Variants in CEP350 observed in about 807,000 individuals in gnomAD.
CEP350 encodes the protein centrosomal protein 350, also known as centrosome-associated protein 350.
Under a neutral mutation model 331.8 loss-of-function variants are expected in CEP350, and 126 were observed. The observed-to-expected ratio is 0.38, with a 90% confidence interval of 0.33 to 0.44. The LOEUF is 0.44. CEP350 is among the 20% of genes least tolerant of loss of function. The pLI is 1.00. For missense variants in CEP350, 3,406 were observed against 3,634.6 expected, an observed-to-expected ratio of 0.94 and a Z score of 1.62; for synonymous variants, 1,200 against 1,259.5, an observed-to-expected ratio of 0.95 and a Z score of 1.00.
intron 1 of CEP350, among the ~76,000 whole-genome samples, chr1:179,971,034 T>G (rs947238810): frequency 6.7e-6 from 1 of 149,210 alleles, no homozygotes; most frequent in Non-Finnish European, 1.5e-5. Flanking sequence ...TGTTGTTTGT[T>G]TTTTTTTTTT....
At chr1:180,091,198 A>G (rs1045641828) in intron 33 of CEP350, among the ~76,000 whole-genome samples, 2 of 148,906 alleles carry the variant, frequency 1.3e-5, no homozygotes, top group African/African-American at 5.1e-5. Flanking sequence ...TTTTTTTTTA[A>G]GAGACGGGGG....
At chr1:180,060,004 T>C (rs1216632712) in intron 25 of CEP350, among the ~76,000 whole-genome samples, 2 of 152,038 alleles carry the variant, frequency 1.3e-5, no homozygotes, top group Non-Finnish European at 2.9e-5. Context: ...AGCTAGACAA[T>C]AAAGAGATTT....
intron 3 of CEP350, among the ~76,000 whole-genome samples, chr1:179,989,076 A>C (rs969214609): frequency 2.6e-5 from 4 of 152,110 alleles, no homozygotes; most frequent in Non-Finnish European, 5.9e-5. Flanking sequence ...TGATAAAGGA[A>C]TATAAGTAGG....
intron 20 of CEP350, 127 bp from the exon 21 acceptor site, chr1:180,043,924 G>A: frequency 1.3e-6 from 1 of 776,350 alleles, no homozygotes; most frequent in Non-Finnish European, 1.9e-6. Context: ...ATTCTTTAAT[G>A]TGTTGTAAGT....
chr1:180,087,239 G>A (rs1321756740), intron 31 of CEP350: 1 of 160,970 alleles, frequency 6.2e-6, no homozygotes, highest in Non-Finnish European at 1.3e-5. Context: ...TACCATGAAA[G>A]TAATAGTACA....
chr1:180,041,718 C>T lies in CEP350; in HGVS notation c.4278C>T (p.Val1426=), dbSNP rs774942812. The change falls in exon 19 of 38, where the codon GTC becomes GTT. Residue 1426 remains valine, a synonymous_variant. Transcript: ENST00000367607. ...AATCACAACGGGAAGTAACTGAAGT[C>T]CTGCAGGAAGCAACGTGTAAAATAG... ...VVQSQREVTE[V]LQEATCKIAA... The T allele has an allele frequency of 3.1e-6, 5 of 1,613,606 alleles. No homozygotes were observed. In the Admixed American group the frequency reaches 6.7e-5, roughly 22 times the overall value.
intron 21 of CEP350, among the ~76,000 whole-genome samples, chr1:180,046,678 A>G (rs1224142476): frequency 6.6e-6 from 1 of 152,228 alleles, no homozygotes; most frequent in Non-Finnish European, 1.5e-5. Context: ...AAGTAACTGC[A>G]GCATTTTATA....
chr1:180,089,160 C>G (rs753339193), intron 32 of CEP350, among the ~76,000 whole-genome samples: 17 of 152,004 alleles, frequency 1.1e-4, no homozygotes, highest in Non-Finnish European at 1.5e-5. Flanking sequence ...TCTTTCTGAC[C>G]ACAATACAGA....
At chr1:180,031,523 A>G (rs1037586794) in intron 15 of CEP350, 29 bp downstream of exon 15, 30 of 1,072,038 alleles carry the variant, frequency 2.8e-5, no homozygotes, top group Non-Finnish European at 3.3e-5. Context: ...TGTAATTTAT[A>G]TATAATTAAA....
intron 1 of CEP350, among the ~76,000 whole-genome samples, chr1:179,961,876 G>A (rs1329421761): frequency 6.6e-6 from 1 of 151,750 alleles, no homozygotes; most frequent in African/African-American, 2.4e-5. Context: ...TTGAGATGGA[G>A]TCTCTGTCAC....
chr1:180,084,309 C>T, intron 31 of CEP350, 131 bp downstream of exon 31: 6 of 826,864 alleles, frequency 7.3e-6, no homozygotes, highest in Non-Finnish European at 1.0e-5. Context: ...ATTTTATTCT[C>T]TTAAAAAAAA....
At chr1:179,980,850 A>G (rs1652228426) in intron 1 of CEP350, among the ~76,000 whole-genome samples, 1 of 152,154 alleles carries the variant, frequency 6.6e-6, no homozygotes. Flanking sequence ...TTGATATGCA[A>G]GATTACTTTC....
intron 1 of CEP350, among the ~76,000 whole-genome samples, chr1:179,981,740 C>A (rs1302484652): frequency 1.3e-5 from 2 of 152,112 alleles, no homozygotes; most frequent in East Asian, 3.8e-4. Context: ...GTGGCTCACA[C>A]CCATGATCCC....
At chr1:180,031,582 C>T in intron 15 of CEP350, 88 bp downstream of exon 15, 1 of 593,832 alleles carries the variant, frequency 1.7e-6, no homozygotes, top group African/African-American at 1.9e-5. Context: ...TTTAACTCAG[C>T]AGTCCCCTTA....
At chr1:180,025,429 A>G (rs888718070) in intron 14 of CEP350, among the ~76,000 whole-genome samples, 2 of 152,084 alleles carry the variant, frequency 1.3e-5, no homozygotes, top group Non-Finnish European at 2.9e-5. Flanking sequence ...CATTCAGTAA[A>G]TATTTTTGAG....
chr1:180,056,470 C>A (rs573524677), intron 25 of CEP350, among the ~76,000 whole-genome samples: 1 of 108,136 alleles, frequency 9.2e-6, no homozygotes, highest in Non-Finnish European at 1.8e-5. Context: ...GCCCCTCCCC[C>A]CCCCCCTTTT....
At chr1:179,976,226 A>C (rs934438224) in intron 1 of CEP350, among the ~76,000 whole-genome samples, 2 of 100,730 alleles carry the variant, frequency 2.0e-5, no homozygotes, top group South Asian at 7.0e-4. Context: ...TAAGCCTGTA[A>C]ATCAGAAAAA....
intron 14 of CEP350, among the ~76,000 whole-genome samples, chr1:180,028,256 C>T (rs1655801993): frequency 1.3e-5 from 2 of 152,198 alleles, no homozygotes; most frequent in African/African-American, 4.8e-5. Context: ...TAGTATGAAG[C>T]ATTTTCCAAG....
At position 180,034,029 on chromosome 1, in the gene CEP350, A is replaced by G; in HGVS notation, c.3893A>G (p.Asp1298Gly). The change falls in exon 16 of 38, where the codon GAT becomes GGT. Residue 1298 changes from aspartate to glycine, a missense_variant. Physicochemically the swap from Asp to Gly is moderately conservative, Grantham distance 94 (BLOSUM62 -1). This residue lies in a region of CEP350 where 1,857 missense variants were observed against 1,909.2 expected (regional missense o/e 0.97). Transcript: ENST00000367607. ...TTTAAGCCTAATGCACCTCTCACTG[A>G]TCTGAACCCGGCAGCCAGCAGAACA... ...TGFKPNAPLT[D>G]LNPAASRTTT... 3 of 1,613,884 alleles carry G rather than the reference A, an allele frequency of 1.9e-6. No individual in the cohort carries two copies. The highest frequency in any genetic ancestry group is 2.5e-6 in the Non-Finnish European group (3 of 1,179,820).
Sources: allele counts gnomAD v4.1 joint callset (sites outside exome capture counted in the v4.1 genomes callset), GRCh38; gene constraint gnomAD v4.1.1; regional missense constraint gnomAD v4.1.1; transcripts MANE v1.5; gene names NCBI Gene and HGNC (gene_info 2026-07-23, HGNC 2026-07-21).